The following ACAP1 variants were observed in gnomAD, a reference collection of about 807,000 sequenced individuals.
ACAP1 encodes the protein ArfGAP with coiled-coil, ankyrin repeat and PH domains 1.
ACAP1 carries 45 observed loss-of-function variants against 98.8 expected under a neutral mutation model. That is an observed-to-expected ratio of 0.46 (90% CI 0.36 to 0.58). ACAP1 has a LOEUF of 0.58. ACAP1 is among the 20% of genes least tolerant of loss of function. The probability of loss-of-function intolerance (pLI) is 0.00; values close to 1 mark genes in which losing one functional copy is unlikely to be tolerated. For missense variants in ACAP1, 735 were observed against 971.4 expected (o/e 0.76, Z 3.24); for synonymous variants, 362 against 375.3 (o/e 0.96, Z 0.41).
Position 7,349,098 on chromosome 17 carries a change from T to C in ACAP1, c.1782T>C (p.His594=). The change falls in exon 18 of 22, where the codon CAT becomes CAC. Residue 594 remains histidine, a synonymous_variant. Transcript: ENST00000158762. ...SLPTMADALA[H]GADVNWVNGG... ...CCACCATGGCTGATGCCCTTGCCCATGGAGCTGATGTCAACTGGGTCAATG... is the reference window on the plus strand; with the variant it reads ...CCACCATGGCTGATGCCCTTGCCCACGGAGCTGATGTCAACTGGGTCAATG... 6.2e-7 allele frequency: 1 copy of C among 1,614,018 alleles called. No homozygotes were observed. The highest frequency in any genetic ancestry group is 8.5e-7 in the Non-Finnish European group (1 of 1,179,998).
chr17:7,344,598 G>A lies in ACAP1; in HGVS notation c.804G>A (p.Met268Ile). 6.4e-7 allele frequency: 1 copy of A among 1,551,534 alleles called. No individual in the cohort carries two copies. ...SLREGPGGLVMEGHLFKRASN... is the reference protein window; with the variant it reads ...SLREGPGGLVIEGHLFKRASN... ...GAGAGGGGCCTGGTGGCCTGGTGATGGAAGGACATCTCTTCAAACGGGCCA... is the reference window on the plus strand; with the variant it reads ...GAGAGGGGCCTGGTGGCCTGGTGATAGAAGGACATCTCTTCAAACGGGCCA... Residue 268 changes from methionine to isoleucine, a missense_variant, in exon 10 of 22, where the codon ATG becomes ATA. Physicochemically the swap from Met to Ile is conservative, Grantham distance 10. Coordinates refer to ENST00000158762, the MANE Select transcript of ACAP1 (RefSeq NM_014716.4). This position sits in a 1 kb window ranked among gnomAD's most constrained non-coding sequence, Gnocchi z 4.9.
chr17:7,349,875 C>T (rs966536307), intron 18 of ACAP1, 70 bp from the exon 19 acceptor site: 300 of 1,306,394 alleles, frequency 2.3e-4, no homozygotes, highest in East Asian at 5.1e-4. Flanking sequence ...ACTGGCGCCA[C>T]CCTAAGACAT....
At chr17:7,341,857 G>C in intron 2 of ACAP1, 91 bp from the exon 3 acceptor site, 1 of 1,575,902 alleles carries the variant, frequency 6.3e-7, no homozygotes, top group Non-Finnish European at 8.6e-7. Flanking sequence ...GCGCCGCCCT[G>C]GGCAAGGGGA....
Position 7,350,937 on chromosome 17 carries a change from CCCT to C in ACAP1, c.2073-8_2073-6del, listed in dbSNP as rs769629208. On this transcript the variant is annotated splice_polypyrimidine_tract_variant and intron_variant, in intron 20 of 21. Coordinates refer to ENST00000158762, the MANE Select transcript of ACAP1 (RefSeq NM_014716.4). The surrounding 1 kb of genome is among the most constrained non-coding windows in gnomAD (Gnocchi z 4.6). ...AGATAGTGTCGTTCATTTCTTAATTCCCTCCTCTTCAGGCTACGACTGGCAAAG... is the reference window on the plus strand; with the variant it reads ...AGATAGTGTCGTTCATTTCTTAATTCCCTCTTCAGGCTACGACTGGCAAAG... 6.4e-7 allele frequency: 1 copy of C among 1,570,310 alleles called. No individual in the cohort carries two copies. The highest frequency in any genetic ancestry group is 1.1e-5 in the South Asian group (1 of 90,548).
chr17:7,345,642 CTTTTT>C (rs558142758), intron 10 of ACAP1: 2 of 151,114 alleles, frequency 1.3e-5, no homozygotes, highest in African/African-American at 2.5e-5. Context: ...TCTTTCTTTT[CTTTTT>C]TTCTTTTTCT....
chr17:7,347,107 G>A lies in ACAP1; in HGVS notation c.1208G>A (p.Gly403Glu). The A allele has an allele frequency of 6.2e-7, 1 of 1,613,658 alleles. No homozygotes were observed. The highest frequency in any genetic ancestry group is 8.5e-7 in the Non-Finnish European group (1 of 1,179,764). ...ATGGCCAGGGGAAGGGAGCCTGGGG[G>A]AGTCGGGCACGTGGTGGCCCAGGTC... is the stretch of plus-strand genomic sequence containing the variant. ...GGMARGREPG[G>E]VGHVVAQVQS... is the part of the protein sequence containing the mutation. Residue 403 changes from glycine to glutamate, a missense_variant, in exon 14 of 22, where the codon GGA (glycine) becomes GAA (glutamate). Physicochemically the swap from Gly to Glu is moderately conservative, Grantham distance 98. Around this residue, in one of 5 missense-constraint regions of ACAP1, gnomAD observed 430 missense variants for 531.8 expected, o/e 0.81. Coordinates refer to ENST00000158762, the MANE Select transcript of ACAP1 (RefSeq NM_014716.4).
At chr17:7,346,619 C>A in intron 12 of ACAP1, 128 bp downstream of exon 12, 1 of 1,168,328 alleles carries the variant, frequency 8.6e-7, no homozygotes. Context: ...GGCGGCTGGA[C>A]TGGGGGGCCA....
chr17:7,349,463 C>T lies in ACAP1; in HGVS notation c.1851+296C>T, dbSNP rs2073381163. On this transcript the variant is annotated intron_variant, in intron 18 of 21. Transcript: ENST00000158762. Reference sequence around the variant, plus strand: ...CGATCTCGGCTCACTGCAAGCTCCGCCTCCCGGGTTCACACCATTCTCCTG... The same window carrying T: ...CGATCTCGGCTCACTGCAAGCTCCGTCTCCCGGGTTCACACCATTCTCCTG... 1.6e-5 allele frequency: 5 copies of T among 315,124 alleles called. No individual in the cohort carries two copies. The South Asian group carries it at 2.8e-4, about 18-fold the overall frequency. 19.5% of individuals were successfully genotyped at this position (315,124 alleles called of 1,614,324 possible). A position where few individuals can be genotyped will look rare whatever the true frequency, so the allele number is the denominator to read the frequency against.
intron 17 of ACAP1, chr17:7,348,790 T>C (rs2143018179): frequency 3.4e-6 from 2 of 590,506 alleles, no homozygotes; most frequent in East Asian, 2.9e-5. Context: ...GATGATGCCG[T>C]CTCTCCCCCA....
At position 7,350,388 on chromosome 17, in the gene ACAP1, G is replaced by C. The variant is rs1448376750; in HGVS notation, c.2072+151G>C. On this transcript the variant is annotated intron_variant, in intron 20 of 21. Coordinates refer to ENST00000158762, the MANE Select transcript of ACAP1 (RefSeq NM_014716.4). This position sits in a 1 kb window ranked among gnomAD's most constrained non-coding sequence, Gnocchi z 4.6. ...CTGGGCCAGCGCCGGGGCCAGGCTC[G>C]AGAAAGGCTGCGCGAAGTGTGCACT... The C allele has an allele frequency of 1.8e-5, 11 of 627,896 alleles. No individual in the cohort carries two copies. The highest frequency in any genetic ancestry group is 3.7e-5 in the African/African-American group (2 of 53,966). The allele number at this position is 627,896 out of a possible 1,614,324, so 38.9% of individuals were successfully genotyped here. A position where few individuals can be genotyped will look rare whatever the true frequency, so the allele number is the denominator to read the frequency against.
intron 14 of ACAP1, 138 bp downstream of exon 14, chr17:7,347,380 C>T: frequency 1.1e-6 from 1 of 900,508 alleles, no homozygotes; most frequent in Non-Finnish European, 1.6e-6. Flanking sequence ...CACTGGGTAC[C>T]AGGCCTGGGC....
rs746145423 is a variant in ACAP1 at position 7,349,063 on chromosome 17, C to T, written c.1747C>T (p.Pro583Ser). Reference protein sequence around the residue: ...ALLFRASGHPPSLPTMADALA... With the variant: ...ALLFRASGHPSSLPTMADALA... ...ACTGTTTCGAGCGTCTGGGCATCCT[C>T]CATCTCTTCCCACCATGGCTGATGC... Residue 583 changes from proline (P) to serine (S), a missense_variant, in exon 18 of 22, where the codon CCA becomes TCA. Pro to Ser is a moderately conservative substitution (Grantham distance 74). Around this residue, in one of 5 missense-constraint regions of ACAP1, gnomAD observed 142 missense variants for 224.1 expected, o/e 0.63. Coordinates refer to ENST00000158762, the MANE Select transcript of ACAP1 (RefSeq NM_014716.4). 15 of 1,613,984 alleles carry T rather than the reference C, an allele frequency of 9.3e-6. No individual in the cohort carries two copies. The highest frequency in any genetic ancestry group is 1.3e-5 in the Non-Finnish European group (15 of 1,180,020).
At chr17:7,342,736 C>A (rs2073300275) in intron 5 of ACAP1, 1 of 505,054 alleles carries the variant, frequency 2.0e-6, no homozygotes, top group Non-Finnish European at 3.6e-6. Context: ...CCCAGCTCTA[C>A]TAAAAAATAC....
chr17:7,342,292 C>T lies in ACAP1; in HGVS notation c.249C>T (p.Phe83=). The part of the protein sequence containing the change: ...EPMMAECLEK[F]TVSLNHKLDS... The stretch of plus-strand genomic sequence containing the variant: ...TTGCCTAGGAGTGTCTGGAAAAATT[C>T]ACCGTGAGCCTGAACCACAAGCTGG... Residue 83 remains phenylalanine, a synonymous_variant, in exon 4 of 22, where the codon TTC becomes TTT. Coordinates refer to ENST00000158762, the MANE Select transcript of ACAP1 (RefSeq NM_014716.4). 1 of 1,614,122 alleles carries T rather than the reference C, an allele frequency of 6.2e-7. No homozygotes were observed. The highest frequency in any genetic ancestry group is 2.2e-5 in the East Asian group (1 of 44,880).
chr17:7,339,156 G>A (rs976921869), intron 2 of ACAP1, among the ~76,000 whole-genome samples: 6 of 151,930 alleles, frequency 3.9e-5, no homozygotes, highest in African/African-American at 1.2e-4. Context: ...CGGGTGTGGC[G>A]GCAGGCGCCT....
Position 7,350,782 on chromosome 17 carries a change from T to C in ACAP1, c.2073-168T>C. The C allele has an allele frequency of 3.3e-6, 2 of 602,276 alleles. No homozygotes were observed. The highest frequency in any genetic ancestry group is 5.8e-6 in the Non-Finnish European group (2 of 343,874). The allele number at this position is 602,276 out of a possible 1,614,324, so 37.3% of individuals were successfully genotyped here. On this transcript the variant is annotated intron_variant, in intron 20 of 21. Coordinates refer to ENST00000158762, the MANE Select transcript of ACAP1 (RefSeq NM_014716.4). The surrounding 1 kb of genome is among the most constrained non-coding windows in gnomAD (Gnocchi z 4.6). ...TGCGCCACCACCCCCGGCTAATTTT[T>C]TGTATTTTTAGTAGAGACGGGGTTT...
In ACAP1 at chr17:7,343,103, C is replaced by A. The variant is rs2073307046; in HGVS notation, c.345-276C>A. ...TCAAAAACAAAAACAACAACAACAA[C>A]AAAAATTTTTTAAAGGGGGAGTGAG... On this transcript the variant is annotated intron_variant, in intron 5 of 21. Coordinates refer to ENST00000158762, the MANE Select transcript of ACAP1 (RefSeq NM_014716.4). This position sits in a 1 kb window ranked among gnomAD's most constrained non-coding sequence, Gnocchi z 4.9. 1 of 373,648 alleles carries A rather than the reference C, an allele frequency of 2.7e-6. No individual in the cohort carries two copies. The highest frequency in any genetic ancestry group is 4.8e-6 in the Non-Finnish European group (1 of 207,746). The allele number at this position is 373,648 out of a possible 1,614,324, so 23.1% of individuals were successfully genotyped here.
At chr17:7,336,903 G>T in intron 1 of ACAP1, 116 bp downstream of exon 1, 1 of 1,174,678 alleles carries the variant, frequency 8.5e-7, no homozygotes, top group Non-Finnish European at 1.2e-6. Context: ...AGAGGCAGGA[G>T]CGAGCCTGTG....
In ACAP1 at chr17:7,343,169, G is replaced by A; in HGVS notation, c.345-210G>A. On this transcript the variant is annotated intron_variant, in intron 5 of 21. Coordinates refer to ENST00000158762, the MANE Select transcript of ACAP1 (RefSeq NM_014716.4). The surrounding 1 kb of genome is among the most constrained non-coding windows in gnomAD (Gnocchi z 4.9). ...GCCTTATTTCTCGGAAACCAGCCCT[G>A]CTGCCCTCTTCCCATGGCCACAGGA... The A allele has an allele frequency of 1.9e-6, 1 of 516,782 alleles. No individual in the cohort carries two copies. Among genetic ancestry groups the A allele is most frequent in the Non-Finnish European group, 3.4e-6 (1 of 295,446 alleles). The allele number at this position is 516,782 out of a possible 1,614,324, so 32.0% of individuals were successfully genotyped here.
Sources: allele counts gnomAD v4.1 joint callset (sites outside exome capture counted in the v4.1 genomes callset), GRCh38; gene constraint gnomAD v4.1.1; regional missense constraint gnomAD v4.1.1; non-coding constraint Gnocchi (gnomAD v3.1); transcripts MANE v1.5; gene names NCBI Gene and HGNC (gene_info 2026-07-23, HGNC 2026-07-21).